Variants in ANO4 observed in about 807,000 individuals in gnomAD.
The protein encoded by ANO4 is anoctamin 4, also known as anoctamin-4.
Under a neutral mutation model 141.9 loss-of-function variants are expected in ANO4, and 69 were observed. The ratio of observed to expected loss-of-function variants is 0.49; its 90% CI spans 0.40 to 0.59. ANO4 has a LOEUF of 0.59. ANO4 is among the 20% of genes least tolerant of loss of function. The pLI is 0.00. For synonymous variants in ANO4, 350 were observed against 394.3 expected (o/e 0.89, Z 1.33); for missense variants, 894 against 1,162.2 (o/e 0.77, Z 3.36).
intron 2 of ANO4, among the ~76,000 whole-genome samples, chr12:100,911,823 G>T (rs993852648): frequency 3.3e-5 from 5 of 152,162 alleles, no homozygotes; most frequent in African/African-American, 1.2e-4. Flanking sequence ...TCTGCCAAGA[G>T]TCAGGATAAA....
At chr12:101,032,401 C>T (rs997573559) in intron 9 of ANO4, among the ~76,000 whole-genome samples, 1 of 152,258 alleles carries the variant, frequency 6.6e-6, no homozygotes, top group Middle Eastern at 3.4e-3. Flanking sequence ...GAAACTGGAC[C>T]GCTTGCTTAC....
intron 14 of ANO4, among the ~76,000 whole-genome samples, chr12:101,050,806 C>T (rs2047833711): frequency 6.6e-6 from 1 of 152,186 alleles, no homozygotes; most frequent in South Asian, 2.1e-4. Flanking sequence ...CTGTCCCAAA[C>T]ACCCCAGCCT....
rs753900460 is a variant in ANO4, at chr12:100,741,461, G to A, written c.358+1356G>A. The stretch of plus-strand genomic sequence containing the variant: ...TTACCCCAGGGGATGCTGTGTCCAT[G>A]GCACAGGGTGAGCTTCAGCAATCTG... On this transcript the variant is annotated intron_variant, in intron 3 of 29. Transcript: ENST00000644049. 1.4e-4 allele frequency among the ~76,000 whole-genome samples: 21 copies of A among 152,182 alleles called. 1 individual carries two copies. The highest frequency in any genetic ancestry group is 2.8e-4 in the Non-Finnish European group (19 of 68,018).
intron 8 of ANO4, among the ~76,000 whole-genome samples, chr12:100,989,633 GGATGGATGGATGGATGGA>G (rs1205538033): frequency 3.6e-5 from 5 of 139,702 alleles, no homozygotes; most frequent in African/African-American, 1.5e-4. Context: ...ATGGATGGAT[GGATGGATGGATGGATGGA>G]TGGATGGATG....
At chr12:100,740,036 T>C (rs755474560) in exon 3 of ANO4, 35 of 702,464 alleles carry the variant, frequency 5.0e-5, no homozygotes, top group Admixed American at 1.0e-4. Flanking sequence ...CTGTCCAGCC[T>C]CACTGTCTAT....
intron 2 of ANO4, among the ~76,000 whole-genome samples, chr12:100,917,809 T>C (rs1593753301): frequency 6.6e-6 from 1 of 152,196 alleles, no homozygotes; most frequent in African/African-American, 2.4e-5. Flanking sequence ...TGTGTGATCA[T>C]AATGTTTAGC....
At chr12:100,979,660 T>G (rs570844865) in intron 7 of ANO4, among the ~76,000 whole-genome samples, 15 of 152,142 alleles carry the variant, frequency 9.9e-5, no homozygotes, top group Admixed American at 6.5e-4. Flanking sequence ...ACCCATCACA[T>G]GTTCTCCATG....
At chr12:100,937,556 G>A (rs987037059) in intron 3 of ANO4, among the ~76,000 whole-genome samples, 1 of 152,070 alleles carries the variant, frequency 6.6e-6, no homozygotes, top group Non-Finnish European at 1.5e-5. Context: ...TACAACCCTT[G>A]GCTGTATGAA....
chr12:100,739,844 A>T, intron 2 of ANO4: 2 of 702,024 alleles, frequency 2.8e-6, no homozygotes, highest in Non-Finnish European at 5.2e-6. Context: ...TAATATGTTT[A>T]TCTCACCAGG....
intron 1 of ANO4, among the ~76,000 whole-genome samples, chr12:100,730,375 G>A (rs2031332808): frequency 6.6e-6 from 1 of 152,086 alleles, no homozygotes; most frequent in Non-Finnish European, 1.5e-5. Context: ...CAGTACTTAA[G>A]GAAATTAAAC....
At chr12:101,089,546 A>C (rs888552055) in intron 17 of ANO4, among the ~76,000 whole-genome samples, 3 of 152,296 alleles carry the variant, frequency 2.0e-5, no homozygotes, top group African/African-American at 7.2e-5. Flanking sequence ...GAAATTAACC[A>C]AACAGCCATA....
intron 8 of ANO4, among the ~76,000 whole-genome samples, chr12:101,011,852 A>C (rs562751799): frequency 6.6e-6 from 1 of 152,240 alleles, no homozygotes; most frequent in African/African-American, 2.4e-5. Context: ...ATTGTACAAA[A>C]CCATCTGTAG....
chr12:101,046,633 CAGA>C (rs967294856), intron 13 of ANO4, among the ~76,000 whole-genome samples: 3 of 152,344 alleles, frequency 2.0e-5, no homozygotes, highest in Admixed American at 1.3e-4. Flanking sequence ...CTGATTTTGG[CAGA>C]AGGTGTCATC....
intron 1 of ANO4, among the ~76,000 whole-genome samples, chr12:100,825,827 T>A (rs1478597785): frequency 6.6e-6 from 1 of 152,134 alleles, no homozygotes. Context: ...GGTTTTCAAT[T>A]ATGTGCAACC....
At chr12:100,784,916 A>T (rs928059987) in intron 3 of ANO4, among the ~76,000 whole-genome samples, 1 of 132,262 alleles carries the variant, frequency 7.6e-6, no homozygotes, top group African/African-American at 2.8e-5. Flanking sequence ...GGGTGTAGGG[A>T]ATCCTCTCAC....
chr12:100,907,843 A>G lies in ANO4; in HGVS notation c.55+6003A>G, dbSNP rs79972230. Among the ~76,000 whole-genome samples, 1,378 of 152,290 alleles carry G rather than the reference A, an allele frequency of 9.0e-3. 28 individuals are homozygous for G. Among genetic ancestry groups the G allele is most frequent in the African/African-American group, 0.032 (1,313 of 41,560 alleles). On this transcript the variant is annotated intron_variant, in intron 2 of 27. Transcript: ENST00000392977. ...TTAGAAACATTCTTATTTCATTGCT[A>G]TCTCTTTGAAAATGCAGTGCCCAGA...
chr12:101,067,215 T>C (rs190841223), intron 14 of ANO4, among the ~76,000 whole-genome samples: 313 of 152,296 alleles, frequency 2.1e-3, no homozygotes, highest in African/African-American at 7.2e-3. Flanking sequence ...AGGAATAGTG[T>C]TACAGCTTTG....
At chr12:100,982,035 AAT>A (rs1469003154) in intron 7 of ANO4, among the ~76,000 whole-genome samples, 1 of 152,160 alleles carries the variant, frequency 6.6e-6, no homozygotes, top group African/African-American at 2.4e-5. Context: ...AGGTACCCGG[AAT>A]CTCACCTATC....
At position 101,088,901 on chromosome 12, in the gene ANO4, T is replaced by G. The variant is rs932537063; in HGVS notation, c.1701+2077T>G. Among the ~76,000 whole-genome samples, 5 of 152,074 alleles carry G rather than the reference T, an allele frequency of 3.3e-5. No homozygotes were observed. In the East Asian group the frequency reaches 9.6e-4, roughly 29 times the overall value. ...AGGACCTGTAAAAAATTAAAAAAAT[T>G]TTAAAAGCTGACCTTAAAGGTTTGT... is the stretch of plus-strand genomic sequence containing the variant. On this transcript the variant is annotated intron_variant, in intron 17 of 27. Coordinates refer to ENST00000392977, the MANE Select transcript of ANO4 (RefSeq NM_001286615.2).
Sources: allele counts gnomAD v4.1 joint callset (sites outside exome capture counted in the v4.1 genomes callset), GRCh38; gene constraint gnomAD v4.1.1; transcripts MANE v1.5; gene names NCBI Gene and HGNC (gene_info 2026-07-23, HGNC 2026-07-21).